NAA35: variants seen among roughly 807,000 people sequenced by gnomAD.
NAA35 encodes N-alpha-acetyltransferase 35, NatC auxiliary subunit.
NAA35 carries 18 observed loss-of-function variants against 101.7 expected under a neutral mutation model. The observed-to-expected ratio is 0.18, with a 90% CI of 0.12 to 0.26. The LOEUF (loss-of-function observed/expected upper bound fraction) is 0.26. Ranked by LOEUF, NAA35 falls within the 10% of genes least tolerant of loss-of-function variation. The pLI, the probability that NAA35 is intolerant of heterozygous loss-of-function variation, is 1.00. For synonymous variants in NAA35, 267 were observed against 273.1 expected (o/e 0.98, Z 0.22); for missense variants, 601 against 886.8 (o/e 0.68, Z 4.09).
At chr9:85,977,919 A>G (rs1216079266) in intron 10 of NAA35, among the ~76,000 whole-genome samples, 1 of 151,596 alleles carries the variant, frequency 6.6e-6, no homozygotes, top group East Asian at 1.9e-4. Context: ...AATTTCTGTA[A>G]TTCTATTTCT....
intron 18 of NAA35, 29 bp downstream of exon 18, chr9:86,016,704 A>C: frequency 6.3e-7 from 1 of 1,596,484 alleles, no homozygotes; most frequent in Non-Finnish European, 8.5e-7. Context: ...AAACTTAAGA[A>C]CAGAGTGTAC....
At chr9:86,019,410 G>A (rs1278803046) in intron 21 of NAA35, among the ~76,000 whole-genome samples, 2 of 152,146 alleles carry the variant, frequency 1.3e-5, no homozygotes, top group African/African-American at 2.4e-5. Flanking sequence ...GCAGGGAGCC[G>A]AGATTGTGCC....
At chr9:85,958,793 T>C (rs1186146807) in intron 4 of NAA35, among the ~76,000 whole-genome samples, 1 of 152,180 alleles carries the variant, frequency 6.6e-6, no homozygotes, top group East Asian at 1.9e-4. Context: ...AATTTGTGCA[T>C]TTGTGTACTT....
chr9:85,980,524 A>G (rs951943934), intron 11 of NAA35, among the ~76,000 whole-genome samples: 2 of 152,182 alleles, frequency 1.3e-5, no homozygotes, highest in African/African-American at 4.8e-5. Context: ...ATATTTCATA[A>G]TGTCACACCC....
chr9:85,990,608 A>G (rs1266741262), intron 11 of NAA35, among the ~76,000 whole-genome samples: 2 of 152,256 alleles, frequency 1.3e-5, no homozygotes, highest in Non-Finnish European at 2.9e-5. Flanking sequence ...GGAACCATGT[A>G]TTTCCAATTT....
At chr9:85,960,422 C>T (rs765657194) in intron 5 of NAA35, among the ~76,000 whole-genome samples, 1 of 151,888 alleles carries the variant, frequency 6.6e-6, no homozygotes, top group African/African-American at 2.4e-5. Context: ...AAATCATTTT[C>T]CTTAGAAATA....
chr9:85,955,024 T>C (rs1016121917), intron 2 of NAA35, among the ~76,000 whole-genome samples: 2 of 151,764 alleles, frequency 1.3e-5, no homozygotes, highest in Non-Finnish European at 2.9e-5. Context: ...TTTAAGTGAT[T>C]CTCCTGCCTC....
intron 6 of NAA35, among the ~76,000 whole-genome samples, chr9:85,968,432 G>A (rs1206093719): frequency 1.3e-5 from 2 of 152,078 alleles, no homozygotes; most frequent in Non-Finnish European, 1.5e-5. Context: ...GGATGGTCTC[G>A]ATCTCCTGAC....
intron 11 of NAA35, among the ~76,000 whole-genome samples, chr9:85,991,375 A>G (rs1247006945): frequency 3.3e-5 from 5 of 152,174 alleles, no homozygotes; most frequent in African/African-American, 4.8e-5. Context: ...TGGGTGACCA[A>G]GTACAGGGTT....
At chr9:86,018,140 G>T (rs985160197) in intron 19 of NAA35, 115 bp from the exon 20 acceptor site, 5 of 871,440 alleles carry the variant, frequency 5.7e-6, no homozygotes, top group Non-Finnish European at 8.7e-6. Flanking sequence ...CATTTCTTCA[G>T]AAGTGTTTGC....
At chr9:85,966,551 T>G in intron 6 of NAA35, 1 of 983,628 alleles carries the variant, frequency 1.0e-6, no homozygotes, top group Non-Finnish European at 1.4e-6. Context: ...TTTGATTTTT[T>G]CTTTCTTTCT....
rs189106622 is a variant in NAA35 at position 85,997,890 on chromosome 9, T to G, written c.1056+1313T>G. Among the ~76,000 whole-genome samples the G allele has an allele frequency of 1.3e-3, 191 of 152,182 alleles. 4 individuals carry two copies. The South Asian group carries it at 0.033, about 27-fold the overall frequency. ...ACATACATACATACATATATATTTA[T>G]GTATGTGTGTGTGTGTATATATTTT... On this transcript the variant is annotated intron_variant, in intron 12 of 22. Transcript: ENST00000361671.
rs145977386 is a variant in NAA35, at chr9:85,998,072, G to A, written c.1056+1495G>A. On this transcript the variant is annotated intron_variant, in intron 12 of 22. Coordinates refer to ENST00000361671, the MANE Select transcript of NAA35 (RefSeq NM_024635.4). ...TGGGACTACAGGCGTCCGCCACCAC[G>A]CCCAGCTAATTTTTTGTATTTTTAG... Among the ~76,000 whole-genome samples the A allele has an allele frequency of 4.3e-3, 652 of 152,074 alleles. 5 individuals are homozygous for A. Among genetic ancestry groups the A allele is most frequent in the African/African-American group, 0.015 (628 of 41,490 alleles).
chr9:85,958,206 G>T (rs542789100), intron 3 of NAA35, among the ~76,000 whole-genome samples: 1 of 152,232 alleles, frequency 6.6e-6, no homozygotes, highest in African/African-American at 2.4e-5. Flanking sequence ...CTCCCAAAGT[G>T]CTGGGATTAC....
intron 16 of NAA35, among the ~76,000 whole-genome samples, 156 bp from the exon 17 acceptor site, chr9:86,013,563 T>A (rs1832059824): frequency 6.6e-6 from 1 of 152,238 alleles, no homozygotes; most frequent in Non-Finnish European, 1.5e-5. Context: ...GAACTTCAAA[T>A]GTAAACCTAA....
intron 2 of NAA35, among the ~76,000 whole-genome samples, chr9:85,947,506 A>G (rs1176722981): frequency 6.6e-6 from 1 of 152,182 alleles, no homozygotes; most frequent in Non-Finnish European, 1.5e-5. Flanking sequence ...AATGTTACCA[A>G]GAGGTGGAGC....
At chr9:85,974,753 C>T (rs1449755660) in intron 6 of NAA35, among the ~76,000 whole-genome samples, 1 of 152,086 alleles carries the variant, frequency 6.6e-6, no homozygotes, top group Non-Finnish European at 1.5e-5. Flanking sequence ...AAAGTAAGGA[C>T]AGAGACAACA....
At chr9:85,942,853 A>G (rs1452776931) in intron 2 of NAA35, among the ~76,000 whole-genome samples, 2 of 152,160 alleles carry the variant, frequency 1.3e-5, no homozygotes, top group Admixed American at 6.5e-5. Flanking sequence ...TTTCTTTTAA[A>G]TTGCTTTGCC....
At chr9:85,945,770 C>T (rs1346200443) in intron 2 of NAA35, among the ~76,000 whole-genome samples, 3 of 152,020 alleles carry the variant, frequency 2.0e-5, no homozygotes, top group South Asian at 2.1e-4. Context: ...CCATCCACCT[C>T]GGCCTCTCAA....
Sources: allele counts gnomAD v4.1 joint callset (sites outside exome capture counted in the v4.1 genomes callset), GRCh38; gene constraint gnomAD v4.1.1; transcripts MANE v1.5; gene names NCBI Gene and HGNC (gene_info 2026-07-23, HGNC 2026-07-21).